The following LGALS2 variants were observed in gnomAD, a reference collection of about 807,000 sequenced individuals.
LGALS2 encodes galectin 2, also known as galectin-2.
Under a neutral mutation model 10.1 loss-of-function variants are expected in LGALS2, and 7 were observed. That is an observed-to-expected ratio of 0.70 (90% CI 0.40 to 1.31). LGALS2 has a LOEUF of 1.31. Ranked by LOEUF, LGALS2 falls within the 50% of genes most tolerant of loss-of-function variation. The probability of loss-of-function intolerance (pLI) is 0.01; values close to 1 mark genes in which losing one functional copy is unlikely to be tolerated. For synonymous variants in LGALS2, 86 were observed against 64.2 expected (o/e 1.34, Z -1.63); for missense variants, 167 against 163.6 (o/e 1.02, Z -0.11).
intron 1 of LGALS2, among the ~76,000 whole-genome samples, chr22:37,574,876 CTTTT>C (rs1344887301): frequency 7.3e-6 from 1 of 137,206 alleles, no homozygotes. Flanking sequence ...GCAGTAAGTT[CTTTT>C]TTTTTTTTTT....
chr22:37,571,342 C>T (rs1196766647), intron 2 of LGALS2, among the ~76,000 whole-genome samples: 3 of 152,188 alleles, frequency 2.0e-5, no homozygotes, highest in African/African-American at 4.8e-5. Context: ...TTCCAAGATG[C>T]GCTGACATGT....
intron 1 of LGALS2, among the ~76,000 whole-genome samples, chr22:37,578,245 AG>A (rs1925744359): frequency 6.6e-6 from 1 of 152,142 alleles, no homozygotes; most frequent in Non-Finnish European, 1.5e-5. Flanking sequence ...TGTGATTTGC[AG>A]CTTGTGGCCT....
rs745642991 is a variant in LGALS2 at position 37,570,708 on chromosome 22, T to C, written c.117A>G (p.Thr39=). 1.2e-6 allele frequency: 2 copies of C among 1,614,242 alleles called. No individual in the cohort carries two copies. The highest frequency in any genetic ancestry group is 2.2e-5 in the South Asian group (2 of 91,086). ...DGFVINLGQG[T]DKLNLHFNPR... ...GGTTGAAATGCAGGTTCAGCTTGTCTGTCCCCTGGCCCAGATTAATTACAA... is the reference window on the plus strand; with the variant it reads ...GGTTGAAATGCAGGTTCAGCTTGTCCGTCCCCTGGCCCAGATTAATTACAA... Residue 39 remains threonine (T), a synonymous_variant, in exon 3 of 4, where the codon ACA becomes ACG. Transcript: ENST00000215886.
chr22:37,576,756 A>G (rs955142006), intron 1 of LGALS2, among the ~76,000 whole-genome samples: 8 of 152,210 alleles, frequency 5.3e-5, no homozygotes, highest in Non-Finnish European at 1.2e-4. Flanking sequence ...CTCCCCTTGC[A>G]GCTCCTGGGG....
intron 2 of LGALS2, among the ~76,000 whole-genome samples, chr22:37,571,391 C>T (rs569073233): frequency 2.2e-4 from 34 of 152,320 alleles, no homozygotes; most frequent in African/African-American, 7.2e-4. Flanking sequence ...CTGTGACTCA[C>T]GGAGGTGGTG....
At chr22:37,578,460 G>C (rs1353375312) in intron 1 of LGALS2, among the ~76,000 whole-genome samples, 1 of 152,176 alleles carries the variant, frequency 6.6e-6, no homozygotes, top group Non-Finnish European at 1.5e-5. Flanking sequence ...GTAGTGGCAT[G>C]CACCTGTAGC....
chr22:37,571,333 T>C (rs1925492041), intron 2 of LGALS2, among the ~76,000 whole-genome samples: 3 of 152,132 alleles, frequency 2.0e-5, no homozygotes, highest in African/African-American at 7.2e-5. Flanking sequence ...AAAGCACAGT[T>C]CCAAGATGCG....
At chr22:37,572,816 AAT>A (rs997654877) in intron 1 of LGALS2, among the ~76,000 whole-genome samples, 1 of 142,058 alleles carries the variant, frequency 7.0e-6, no homozygotes, top group African/African-American at 2.9e-5. Flanking sequence ...AATAAAATAA[AAT>A]AAATTATCTG....
At chr22:37,574,593 A>G (rs1343974898) in intron 1 of LGALS2, among the ~76,000 whole-genome samples, 1 of 151,760 alleles carries the variant, frequency 6.6e-6, no homozygotes, top group South Asian at 2.1e-4. Context: ...CGCAACAGGC[A>G]CCAAAGATTT....
rs896319755 is a variant in LGALS2, at chr22:37,571,922, C to G, written c.16G>C (p.Glu6Gln). 6.2e-7 allele frequency: 1 copy of G among 1,613,972 alleles called. No individual in the cohort carries two copies. The change falls in exon 2 of 4, where the codon GAG becomes CAG. Residue 6 changes from glutamate (E) to glutamine (Q), a missense_variant. Physicochemically the swap from Glu to Gln is conservative, Grantham distance 29. Coordinates refer to ENST00000215886, the MANE Select transcript of LGALS2 (RefSeq NM_006498.3). ...GGCTTCATGTCCATGTTCTTAACCT[C>G]AAGTTCCCCCTGGGCCAACAGAGAA... MTGEL[E>Q]VKNMDMKPGS...
chr22:37,573,438 C>T (rs1412322973), intron 1 of LGALS2, among the ~76,000 whole-genome samples: 1 of 152,120 alleles, frequency 6.6e-6, no homozygotes, highest in African/African-American at 2.4e-5. Flanking sequence ...AAGTGTGTAC[C>T]TGTATTCCAG....
chr22:37,575,203 C>CTTTTTTT (rs35861132), intron 1 of LGALS2, among the ~76,000 whole-genome samples: 3 of 128,690 alleles, frequency 2.3e-5, no homozygotes, highest in Admixed American at 8.5e-5. Context: ...TCTTTTCTTT[C>CTTTTTTT]TTTTTTTTTT....
intron 1 of LGALS2, among the ~76,000 whole-genome samples, chr22:37,572,909 T>G (rs1925547861): frequency 6.6e-6 from 1 of 151,216 alleles, no homozygotes; most frequent in Non-Finnish European, 1.5e-5. Flanking sequence ...AAGCGGAGGT[T>G]GCCATGAGCT....
chr22:37,578,673 G>A (rs1435427063), intron 1 of LGALS2: 1 of 152,202 alleles, frequency 6.6e-6, no homozygotes, highest in Non-Finnish European at 1.5e-5. Context: ...AAATAAGCTG[G>A]GTGGGGTGGC....
At chr22:37,579,393 C>T (rs1310293670) in intron 1 of LGALS2, among the ~76,000 whole-genome samples, 2 of 151,920 alleles carry the variant, frequency 1.3e-5, no homozygotes, top group East Asian at 1.9e-4. Context: ...GTTATGATTG[C>T]CACCACTGCA....
intron 1 of LGALS2, among the ~76,000 whole-genome samples, chr22:37,576,805 T>C (rs1489228349): frequency 2.0e-5 from 3 of 152,118 alleles, no homozygotes; most frequent in Non-Finnish European, 4.4e-5. Flanking sequence ...ACCCCAAGGA[T>C]AGAGGTGGGG....
At chr22:37,577,242 G>C (rs1418869034) in intron 1 of LGALS2, among the ~76,000 whole-genome samples, 1 of 152,116 alleles carries the variant, frequency 6.6e-6, no homozygotes, top group Non-Finnish European at 1.5e-5. Context: ...GGTGATGAGG[G>C]CATAGACCCT....
chr22:37,577,123 T>C (rs1313158351), intron 1 of LGALS2, among the ~76,000 whole-genome samples: 1 of 151,916 alleles, frequency 6.6e-6, no homozygotes, highest in South Asian at 2.1e-4. Context: ...TTGGATGATA[T>C]GGCCTCTGGA....
At chr22:37,577,350 A>AC (rs1925716644) in intron 1 of LGALS2, among the ~76,000 whole-genome samples, 1 of 122,626 alleles carries the variant, frequency 8.2e-6, no homozygotes, top group African/African-American at 2.9e-5. Context: ...TGTCAATGTG[A>AC]CCTTTTTTTT....
Sources: allele counts gnomAD v4.1 joint callset (sites outside exome capture counted in the v4.1 genomes callset), GRCh38; gene constraint gnomAD v4.1.1; transcripts MANE v1.5; gene names NCBI Gene and HGNC (gene_info 2026-07-23, HGNC 2026-07-21).